The following TJP2 variants were observed in gnomAD, a reference collection of about 807,000 sequenced individuals.
TJP2 encodes Friedreich ataxia region gene X104 (tight junction protein ZO-2).
Under a neutral mutation model 133.1 loss-of-function variants are expected in TJP2, and 91 were observed. The observed-to-expected ratio is 0.68, with a 90% CI of 0.58 to 0.81. The LOEUF (loss-of-function observed/expected upper bound fraction) is 0.81, where lower values mean the gene tolerates loss of function less well. Among genes scored for constraint, TJP2 ranks in the 40% least tolerant of loss-of-function variants. The pLI, the probability that TJP2 is intolerant of heterozygous loss-of-function variation, is 0.00. For missense variants in TJP2, 1,541 were observed against 1,565.6 expected (o/e 0.98, Z 0.26); for synonymous variants, 592 against 583.4 (o/e 1.01, Z -0.21).
At position 69,248,095 on chromosome 9, in the gene TJP2, C is replaced by T. The variant is rs184519036; in HGVS notation, c.2751C>T (p.Arg917=). ...MGADYLSCDS[R]LISDFEDTDG... is the part of the protein sequence containing the mutation. ...CGGACTATCTGAGTTGCGACAGCCG[C>T]CTCATCAGTGACTTTGAAGACACGG... The change falls in exon 19 of 23, where the codon CGC becomes CGT. Residue 917 remains arginine, a synonymous_variant. Coordinates refer to ENST00000377245, the MANE Select transcript of TJP2 (RefSeq NM_004817.4). The T allele has an allele frequency of 9.2e-5, 148 of 1,614,220 alleles. 1 individual carries two copies. In the East Asian group the frequency reaches 2.4e-3, roughly 26 times the overall value.
intron 12 of TJP2, among the ~76,000 whole-genome samples, chr9:69,235,445 C>A (rs1830112535): frequency 6.6e-6 from 1 of 151,994 alleles, no homozygotes; most frequent in Admixed American, 6.6e-5. Context: ...GCCTCAGCCT[C>A]CCGAGTAGCT....
chr9:69,233,425 T>C (rs942197303), intron 11 of TJP2, among the ~76,000 whole-genome samples: 7 of 152,268 alleles, frequency 4.6e-5, no homozygotes, highest in Admixed American at 2.0e-4. Context: ...GGTACTTTAA[T>C]ATGGTTTTTG....
At position 69,251,268 on chromosome 9, in the gene TJP2, C is replaced by T. The variant is rs146241989; in HGVS notation, c.3225C>T (p.Pro1075=). ...GESSEEQDNA[P]KSVLGKVKIF... Reference sequence around the variant, plus strand: ...GCAGTGAGGAGCAAGATAATGCTCCCAAATCAGTCCTGGGCAAAGTCAAAA... The same window carrying T: ...GCAGTGAGGAGCAAGATAATGCTCCTAAATCAGTCCTGGGCAAAGTCAAAA... Residue 1075 remains proline (P), a synonymous_variant, in exon 21 of 23, where the codon CCC becomes CCT. Coordinates refer to ENST00000377245, the MANE Select transcript of TJP2 (RefSeq NM_004817.4). The T allele has an allele frequency of 1.7e-5, 27 of 1,613,936 alleles. No individual in the cohort carries two copies. Among genetic ancestry groups the T allele is most frequent in the Admixed American group, 5.0e-5 (3 of 59,990 alleles).
chr9:69,225,126 A>G (rs1829236197), intron 5 of TJP2, among the ~76,000 whole-genome samples, 178 bp from the exon 6 acceptor site: 1 of 152,020 alleles, frequency 6.6e-6, no homozygotes, highest in African/African-American at 2.4e-5. Flanking sequence ...CAGTTTCTCT[A>G]CCTTTTTTGT....
upstream of TJP2, among the ~76,000 whole-genome samples, chr9:69,169,940 C>T (rs1048186816): frequency 6.6e-6 from 1 of 152,016 alleles, no homozygotes; most frequent in Admixed American, 6.5e-5. Flanking sequence ...TTCCTGGGCT[C>T]AAGCAATCCT....
chr9:69,146,306 T>G (rs141870324), intron 1 of TJP2, among the ~76,000 whole-genome samples: 1 of 152,214 alleles, frequency 6.6e-6, no homozygotes, highest in African/African-American at 2.4e-5. Context: ...TGAAGAAAGG[T>G]TGAGAAGTTC....
intron 2 of TJP2, among the ~76,000 whole-genome samples, chr9:69,167,857 G>C (rs1824441226): frequency 8.2e-6 from 1 of 122,006 alleles, no homozygotes; most frequent in Admixed American, 9.3e-5. Flanking sequence ...AAGAGAGCGA[G>C]AGTCTGTCAA....
chr9:69,245,670 C>T (rs1830873928), intron 17 of TJP2, among the ~76,000 whole-genome samples: 1 of 152,192 alleles, frequency 6.6e-6, no homozygotes, highest in Non-Finnish European at 1.5e-5. Context: ...GTTAATTTCA[C>T]TACTTTACCT....
intron 21 of TJP2, among the ~76,000 whole-genome samples, chr9:69,252,281 C>T (rs1054352572): frequency 6.6e-6 from 1 of 152,186 alleles, no homozygotes; most frequent in African/African-American, 2.4e-5. Flanking sequence ...AATCATGAGT[C>T]ACTGCACCCA....
intron 15 of TJP2, 81 bp downstream of exon 15, chr9:69,238,054 AC>A: frequency 2.1e-6 from 2 of 931,548 alleles, no homozygotes; most frequent in Middle Eastern, 3.1e-4. Context: ...AATCATGAAC[AC>A]CCACGTACCC....
Position 69,225,330 on chromosome 9 carries a change from A to G in TJP2, c.979A>G (p.Ile327Val), listed in dbSNP as rs1327500792. 5 of 1,613,830 alleles carry G rather than the reference A, an allele frequency of 3.1e-6. No homozygotes were observed. In the East Asian group the frequency reaches 8.9e-5, roughly 29 times the overall value. Residue 327 changes from isoleucine (I) to valine (V), a missense_variant, in exon 6 of 23, where the codon ATC becomes GTC. Physicochemically the swap from Ile to Val is conservative, Grantham distance 29 (BLOSUM62 3). Coordinates refer to ENST00000377245, the MANE Select transcript of TJP2 (RefSeq NM_004817.4). ...GTATGGTCTCCGGCTTGGGAGTCAG[A>G]TCTTCGTAAAGGAAATGACCCGAAC... is the stretch of plus-strand genomic sequence containing the variant. ...EEYGLRLGSQIFVKEMTRTGL... is the reference protein window; with the variant it reads ...EEYGLRLGSQVFVKEMTRTGL...
intron 11 of TJP2, among the ~76,000 whole-genome samples, chr9:69,231,617 T>G (rs1316010833): frequency 6.6e-6 from 1 of 151,762 alleles, no homozygotes; most frequent in Admixed American, 6.6e-5. Flanking sequence ...CCCCCTTCCT[T>G]CTTGGCCCCG....
intron 19 of TJP2, chr9:69,248,665 A>C (rs1320283368): frequency 7.7e-6 from 8 of 1,043,138 alleles, no homozygotes; most frequent in Non-Finnish European, 8.1e-6. Context: ...TTTCCCCATC[A>C]GTTTCCTTCT....
chr9:69,173,363 A>G (rs756782323), upstream of TJP2, among the ~76,000 whole-genome samples: 6 of 152,238 alleles, frequency 3.9e-5, no homozygotes, highest in Non-Finnish European at 7.3e-5. Flanking sequence ...AAAGACACTT[A>G]ACGTCACTGC....
At chr9:69,226,650 C>T (rs145093342) in intron 7 of TJP2, among the ~76,000 whole-genome samples, 7,399 of 152,152 alleles carry the variant, frequency 0.049, 277 homozygotes, top group Admixed American at 0.1. Context: ...GGGCGCCTGC[C>T]ACCACACCTG....
intron 20 of TJP2, among the ~76,000 whole-genome samples, chr9:69,250,167 A>G (rs1056290638): frequency 2.6e-5 from 4 of 152,146 alleles, no homozygotes; most frequent in Non-Finnish European, 4.4e-5. Context: ...CAGTGGTGCA[A>G]TCTCGGCTCA....
intron 1 of TJP2, among the ~76,000 whole-genome samples, chr9:69,122,464 A>G (rs1822188610): frequency 6.6e-6 from 1 of 152,208 alleles, no homozygotes. Flanking sequence ...AGAGACTTAG[A>G]AAACATTTAA....
intron 1 of TJP2, among the ~76,000 whole-genome samples, chr9:69,196,223 A>G (rs1210047265): frequency 1.3e-5 from 2 of 152,182 alleles, no homozygotes; most frequent in African/African-American, 4.8e-5. Context: ...CTTCAGTGGA[A>G]AGGATATAAG....
chr9:69,142,394 CT>C (rs1823053747), intron 1 of TJP2, among the ~76,000 whole-genome samples: 5 of 152,068 alleles, frequency 3.3e-5, no homozygotes, highest in African/African-American at 1.2e-4. Flanking sequence ...ACGTAATCTG[CT>C]TTTCTTACAG....
Sources: gnomAD v4.1 joint callset for allele counts (sites outside exome capture counted in the v4.1 genomes callset) on GRCh38, gnomAD v4.1.1 for gene constraint, MANE v1.5 for transcripts, NCBI Gene and HGNC (gene_info 2026-07-23, HGNC 2026-07-21) for gene names.